Variants in PCDHA12 observed in about 807,000 individuals in gnomAD.
PCDHA12 encodes the protein protocadherin alpha-12.
A neutral mutation model predicts 60.0 loss-of-function variants in PCDHA12; 44 were observed. The ratio of observed to expected loss-of-function variants is 0.73; its 90% CI spans 0.58 to 0.94. The LOEUF is 0.94. PCDHA12 is among the 40% of genes least tolerant of loss of function. The pLI, the probability that PCDHA12 is intolerant of heterozygous loss-of-function variation, is 0.00. For synonymous variants in PCDHA12, 569 were observed against 553.0 expected (o/e 1.03, Z -0.40); for missense variants, 1,276 against 1,239.7 (o/e 1.03, Z -0.44).
chr5:140,875,349 CTG>C lies in PCDHA12; in HGVS notation c.-121_-120del. The stretch of plus-strand genomic sequence containing the variant: ...CGGAATAGGATCGACTCCATAATGA[CTG>C]TGATGCTGGAAAAAATTTACTAAAT... On this transcript the variant is annotated 5_prime_UTR_variant, in exon 1 of 4. The change abolishes the stop of an existing upstream ORF in the 5' untranslated region. Coordinates refer to ENST00000398631, the MANE Select transcript of PCDHA12 (RefSeq NM_018903.4). 1 of 1,444,894 alleles carries C rather than the reference CTG, an allele frequency of 6.9e-7. No individual in the cohort carries two copies. Among genetic ancestry groups the C allele is most frequent in the Non-Finnish European group, 9.1e-7 (1 of 1,101,958 alleles). The allele number at this position is 1,444,894 out of a possible 1,614,324, so 89.5% of individuals were successfully genotyped here. A position where few individuals can be genotyped will look rare whatever the true frequency, so the allele number is the denominator to read the frequency against.
chr5:140,929,646 A>G (rs868995130), intron 1 of PCDHA12: 1 of 365,824 alleles, frequency 2.7e-6, no homozygotes, highest in Non-Finnish European at 5.0e-6. Flanking sequence ...TGTGTAAGGC[A>G]CTCTAATATT....
chr5:140,943,276 AAGAAAG>A (rs2093462778), intron 1 of PCDHA12, among the ~76,000 whole-genome samples: 3 of 135,982 alleles, frequency 2.2e-5, no homozygotes, highest in African/African-American at 8.7e-5. Flanking sequence ...AAAAAAAAAA[AAGAAAG>A]AAAGAATTAA....
chr5:140,941,492 T>G (rs1446870882), intron 1 of PCDHA12, among the ~76,000 whole-genome samples: 18 of 151,592 alleles, frequency 1.2e-4, no homozygotes, highest in Admixed American at 1.2e-3. Flanking sequence ...ATTTTTTGTA[T>G]TTTTAGTAGA....
chr5:140,920,060 G>T (rs565038135), intron 1 of PCDHA12, among the ~76,000 whole-genome samples: 1 of 152,264 alleles, frequency 6.6e-6, no homozygotes, highest in African/African-American at 2.4e-5. Context: ...CCAACACCTG[G>T]AAAAGGCAGA....
intron 1 of PCDHA12, among the ~76,000 whole-genome samples, chr5:140,923,269 T>C (rs1554201320): frequency 6.6e-6 from 1 of 152,218 alleles, no homozygotes; most frequent in Non-Finnish European, 1.5e-5. Flanking sequence ...TGAGACCTTG[T>C]CTCTACAAAA....
intron 1 of PCDHA12, among the ~76,000 whole-genome samples, chr5:140,901,267 T>G (rs2153472974): frequency 6.6e-6 from 1 of 152,344 alleles, no homozygotes; most frequent in East Asian, 1.9e-4. Context: ...TTGTGGGGTA[T>G]TACTCAAGAA....
At chr5:140,986,618 C>T (rs782259734) in intron 3 of PCDHA12, among the ~76,000 whole-genome samples, 2 of 152,134 alleles carry the variant, frequency 1.3e-5, no homozygotes, top group African/African-American at 2.4e-5. Flanking sequence ...TCAGGCCTTA[C>T]CTAAGGCAAC....
rs200161334 is a variant in PCDHA12, at chr5:140,967,904, C to T, written c.2368-11045C>T. ...TAGCCCAGTGCCTGAGAATGCTACACCCAACACCATTGTGGCCGTTCTCAG... is the reference window on the plus strand; with the variant it reads ...TAGCCCAGTGCCTGAGAATGCTACATCCAACACCATTGTGGCCGTTCTCAG... On this transcript the variant is annotated intron_variant, in intron 1 of 3. Coordinates refer to ENST00000398631, the MANE Select transcript of PCDHA12 (RefSeq NM_018903.4). The T allele has an allele frequency of 3.3e-5, 53 of 1,614,164 alleles. No individual in the cohort carries two copies. In the East Asian group the frequency reaches 9.1e-4, roughly 28 times the overall value.
At position 140,960,518 on chromosome 5, in the gene PCDHA12, G is replaced by A. The variant is rs555475003; in HGVS notation, c.2368-18431G>A. Among the ~76,000 whole-genome samples the A allele has an allele frequency of 2.6e-5, 4 of 152,176 alleles. No homozygotes were observed. The East Asian group carries it at 7.7e-4, about 29-fold the overall frequency. ...TTTGTTCCAAGCAGCAAACATAATG[G>A]GTATAGGAAAGAGAAACTGTGGCCT... On this transcript the variant is annotated intron_variant, in intron 1 of 3. Coordinates refer to ENST00000398631, the MANE Select transcript of PCDHA12 (RefSeq NM_018903.4).
chr5:140,998,186 CA>C (rs1323195881), intron 3 of PCDHA12, among the ~76,000 whole-genome samples: 1 of 152,088 alleles, frequency 6.6e-6, no homozygotes, highest in African/African-American at 2.4e-5. Context: ...AAGCACTTTA[CA>C]AGTATTAACT....
At chr5:140,935,255 C>T (rs914593610) in intron 1 of PCDHA12, among the ~76,000 whole-genome samples, 4 of 152,150 alleles carry the variant, frequency 2.6e-5, no homozygotes, top group African/African-American at 9.7e-5. Context: ...TAAAATACAT[C>T]ACATGTTTAT....
At chr5:140,925,124 A>AGGAAGG (rs1554202565) in intron 1 of PCDHA12, among the ~76,000 whole-genome samples, 1 of 151,852 alleles carries the variant, frequency 6.6e-6, no homozygotes, top group South Asian at 2.1e-4. Context: ...GAAGGAAGGA[A>AGGAAGG]AAAAAATTTC....
intron 1 of PCDHA12, chr5:140,884,779 G>C: frequency 1.4e-6 from 2 of 1,404,226 alleles, no homozygotes; most frequent in Non-Finnish European, 1.9e-6. Context: ...TTTTAATTTT[G>C]CTAGTTGTTA....
intron 1 of PCDHA12, chr5:140,930,305 T>C (rs1554207723): frequency 6.6e-6 from 1 of 152,252 alleles, no homozygotes; most frequent in Non-Finnish European, 1.5e-5. Flanking sequence ...TAAGTAAATA[T>C]CATATTTGAG....
At chr5:140,886,746 A>C (rs2061113111) in intron 1 of PCDHA12, among the ~76,000 whole-genome samples, 1 of 151,722 alleles carries the variant, frequency 6.6e-6, no homozygotes. Context: ...GAATTGCTTG[A>C]ACCCGGGAGG....
chr5:140,978,789 A>G (rs2153817382), intron 1 of PCDHA12, 160 bp from the exon 2 acceptor site: 22 of 974,564 alleles, frequency 2.3e-5, no homozygotes, highest in Non-Finnish European at 2.6e-5. Flanking sequence ...CTAAAGTGCT[A>G]TATATGTAGA....
At chr5:140,982,436 T>G (rs782353079) in intron 2 of PCDHA12, 39 bp from the exon 3 acceptor site, 18 of 1,613,262 alleles carry the variant, frequency 1.1e-5, no homozygotes, top group Non-Finnish European at 1.5e-5. Context: ...GGAAAGAATT[T>G]ATGATCTAAC....
Position 140,877,410 on chromosome 5 carries a change from C to G in PCDHA12, c.1938C>G (p.Arg646=), listed in dbSNP as rs1339534741. 12 of 1,613,922 alleles carry G rather than the reference C, an allele frequency of 7.4e-6. No individual in the cohort carries two copies. The highest frequency in any genetic ancestry group is 9.3e-6 in the Non-Finnish European group (11 of 1,179,878). ...ATGAGGCGGACGCTCCGCGCCACCG[C>G]CTGCTGGTGCTGGTGAAGGACCACG... The part of the protein sequence containing the change: ...ILDEADAPRH[R]LLVLVKDHGE... Residue 646 remains arginine (R), a synonymous_variant, in exon 1 of 4, where the codon CGC becomes CGG. Transcript: ENST00000398631.
chr5:140,935,894 CT>C (rs55841305), intron 1 of PCDHA12, among the ~76,000 whole-genome samples: 1,605 of 136,716 alleles, frequency 0.012, 14 homozygotes, highest in Non-Finnish European at 0.016. Context: ...TCAATATTAT[CT>C]TTTTTTTTTT....
Sources: gnomAD v4.1 joint callset for allele counts (sites outside exome capture counted in the v4.1 genomes callset) on GRCh38, gnomAD v4.1.1 for gene constraint, MANE v1.5 for transcripts, NCBI Gene and HGNC (gene_info 2026-07-23, HGNC 2026-07-21) for gene names.